The following SLC9A9 variants were observed in gnomAD, a reference collection of about 807,000 sequenced individuals.
SLC9A9 encodes the protein solute carrier family 9 member A9.
SLC9A9 carries 62 observed loss-of-function variants against 77.8 expected under a neutral mutation model. That is an observed-to-expected ratio of 0.80 (90% CI 0.65 to 0.98). The LOEUF (loss-of-function observed/expected upper bound fraction) is 0.98. Ranked by LOEUF, SLC9A9 falls within the 50% of genes least tolerant of loss-of-function variation. The pLI is 0.00. For missense variants in SLC9A9, 775 were observed against 774.9 expected (o/e 1.00, Z 0.00); for synonymous variants, 320 against 283.5 (o/e 1.13, Z -1.29).
chr3:143,592,202 T>C (rs6808788), intron 6 of SLC9A9, among the ~76,000 whole-genome samples: 14,689 of 152,186 alleles, frequency 0.097, 1,296 homozygotes, highest in African/African-American at 0.23. Flanking sequence ...AGAGGAAGAA[T>C]TGAATAATCA....
At chr3:143,827,316 T>C (rs898383156) in intron 2 of SLC9A9, among the ~76,000 whole-genome samples, 3 of 152,188 alleles carry the variant, frequency 2.0e-5, no homozygotes, top group African/African-American at 4.8e-5. Context: ...CAGAGCAACA[T>C]GGTCTTGTTT....
intron 4 of SLC9A9, among the ~76,000 whole-genome samples, chr3:143,769,842 C>T (rs2007456038): frequency 6.6e-6 from 1 of 152,160 alleles, no homozygotes; most frequent in Admixed American, 6.6e-5. Context: ...GCAGAATACA[C>T]TCCCTTAGTG....
At chr3:143,300,770 C>T (rs1578274471) in intron 14 of SLC9A9, among the ~76,000 whole-genome samples, 1 of 152,146 alleles carries the variant, frequency 6.6e-6, no homozygotes, top group Non-Finnish European at 1.5e-5. Context: ...TTCTCAGCAG[C>T]CAAGTTGGAG....
chr3:143,421,366 A>G (rs994071526), intron 12 of SLC9A9, among the ~76,000 whole-genome samples: 1 of 152,224 alleles, frequency 6.6e-6, no homozygotes, highest in Non-Finnish European at 1.5e-5. Flanking sequence ...ACATGAAACT[A>G]TAAGGCTACA....
chr3:143,529,410 A>G (rs1055768294), intron 9 of SLC9A9, among the ~76,000 whole-genome samples: 1 of 152,184 alleles, frequency 6.6e-6, no homozygotes, highest in Non-Finnish European at 1.5e-5. Context: ...TTGATATGTA[A>G]TCCTCTCTAG....
At chr3:143,308,987 T>C (rs1469630417) in intron 14 of SLC9A9, among the ~76,000 whole-genome samples, 1 of 152,192 alleles carries the variant, frequency 6.6e-6, no homozygotes. Context: ...CTAAAGAGCT[T>C]ACCAGCTCTA....
intron 12 of SLC9A9, among the ~76,000 whole-genome samples, chr3:143,437,606 A>G (rs2034646947): frequency 6.6e-6 from 1 of 152,258 alleles, no homozygotes; most frequent in Non-Finnish European, 1.5e-5. Flanking sequence ...CAGGCAGGAA[A>G]GTAGGTCAAC....
chr3:143,805,754 C>T (rs1171262329), intron 2 of SLC9A9, among the ~76,000 whole-genome samples: 1 of 152,068 alleles, frequency 6.6e-6, no homozygotes, highest in Non-Finnish European at 1.5e-5. Flanking sequence ...AGAGAACAAC[C>T]CCCTTTGACT....
chr3:143,300,621 G>A (rs971294215), intron 14 of SLC9A9, among the ~76,000 whole-genome samples: 3 of 152,218 alleles, frequency 2.0e-5, no homozygotes, highest in Admixed American at 6.5e-5. Context: ...GATCCACAGA[G>A]CTATGCTATG....
intron 5 of SLC9A9, among the ~76,000 whole-genome samples, chr3:143,689,402 A>G (rs1159268508): frequency 2.0e-5 from 3 of 152,008 alleles, no homozygotes; most frequent in African/African-American, 7.2e-5. Context: ...AAAGATGATT[A>G]TTATTATTTA....
chr3:143,679,256 T>A (rs1900633), intron 5 of SLC9A9, among the ~76,000 whole-genome samples: 120,427 of 152,148 alleles, frequency 0.79, 47,878 homozygotes, highest in East Asian at 1. Flanking sequence ...CTGGGGCAGG[T>A]GTTCATGGGG....
chr3:143,431,938 C>A (rs1377484624), intron 12 of SLC9A9, among the ~76,000 whole-genome samples: 1 of 152,174 alleles, frequency 6.6e-6, no homozygotes, highest in African/African-American at 2.4e-5. Context: ...TGCTCTTCCT[C>A]CTCCCAGTCT....
rs775407165 is a variant in SLC9A9, at chr3:143,832,167, C to T, written c.230G>A (p.Ser77Asn). The T allele has an allele frequency of 6.2e-7, 1 of 1,612,962 alleles. No homozygotes were observed. The highest frequency in any genetic ancestry group is 2.2e-5 in the East Asian group (1 of 44,770). The change falls in exon 2 of 16, where the codon AGT (serine) becomes AAT (asparagine). Residue 77 changes from serine to asparagine, a missense_variant. Transcript: ENST00000316549. The part of the protein sequence containing the change: ...RYATAPTDIE[S>N]GTVYDCVKLT... Reference sequence around the variant, plus strand: ...TTTTACACAGTCATAGACAGTTCCACTTTCAATATCAGTTGGTGCTGTAGC... The same window carrying T: ...TTTTACACAGTCATAGACAGTTCCATTTTCAATATCAGTTGGTGCTGTAGC...
intron 5 of SLC9A9, among the ~76,000 whole-genome samples, chr3:143,654,528 T>C (rs1364654762): frequency 1.3e-5 from 2 of 152,234 alleles, no homozygotes; most frequent in African/African-American, 4.8e-5. Context: ...CTAAGTAATC[T>C]CTTTCTCCTT....
rs561934881 is a variant in SLC9A9, at chr3:143,473,800, T to C, written c.1316-6610A>G. On this transcript the variant is annotated intron_variant, in intron 11 of 15. Transcript: ENST00000316549. ...TCATAATACCCAGAACACAAAACTC[T>C]GTAAATGCTTTCAAATCGAACTACT... 3.9e-5 allele frequency among the ~76,000 whole-genome samples: 6 copies of C among 152,370 alleles called. No homozygotes were observed. The South Asian group carries it at 1.2e-3, about 32-fold the overall frequency.
At chr3:143,748,613 T>C (rs1176709346) in intron 4 of SLC9A9, among the ~76,000 whole-genome samples, 1 of 151,762 alleles carries the variant, frequency 6.6e-6, no homozygotes, top group African/African-American at 2.4e-5. Context: ...GGACTTACAA[T>C]GTTCAAAGGA....
Position 143,715,453 on chromosome 3 carries a change from C to T in SLC9A9, c.534-22146G>A, listed in dbSNP as rs1334319023. On this transcript the variant is annotated intron_variant, in intron 4 of 15. Transcript: ENST00000316549. ...GCATCACTCTCTTAAGGAAACCATC[C>T]TGGACTCTCCTGAAAGAATACGATC... 2.6e-5 allele frequency among the ~76,000 whole-genome samples: 4 copies of T among 152,334 alleles called. No individual in the cohort carries two copies. The Middle Eastern group carries it at 0.01, about 389-fold the overall frequency.
chr3:143,740,833 G>T (rs1468045672), intron 4 of SLC9A9, among the ~76,000 whole-genome samples: 1 of 152,170 alleles, frequency 6.6e-6, no homozygotes, highest in African/African-American at 2.4e-5. Flanking sequence ...TGATAAAGTA[G>T]TTTTCCACAG....
chr3:143,280,152 G>A (rs941401433), intron 14 of SLC9A9, among the ~76,000 whole-genome samples: 3 of 151,164 alleles, frequency 2.0e-5, no homozygotes, highest in African/African-American at 4.9e-5. Context: ...TTGTTTCTCC[G>A]GTCCCTGGGT....
Sources: allele counts gnomAD v4.1 joint callset (sites outside exome capture counted in the v4.1 genomes callset), GRCh38; gene constraint gnomAD v4.1.1; transcripts MANE v1.5; gene names NCBI Gene and HGNC (gene_info 2026-07-23, HGNC 2026-07-21).